The following ARB2A variants were observed in gnomAD, a reference collection of about 807,000 sequenced individuals.
ARB2A encodes cotranscriptional regulator ARB2A.
At chr5:93,772,320 C>T in the ARB2A span, among the ~76,000 whole-genome samples, 8 of 149,858 alleles carry the variant, frequency 5.3e-5, no homozygotes, top group East Asian at 2.0e-4. Flanking sequence ...GTGGGTGGAG[C>T]GGGGAGGGAT....
At chr5:94,045,750 T>A in the ARB2A span, among the ~76,000 whole-genome samples, 127 of 152,312 alleles carry the variant, frequency 8.3e-4, no homozygotes, top group African/African-American at 3.0e-3. Flanking sequence ...ATGTATTTTT[T>A]AAAAATGCAA....
the ARB2A span, among the ~76,000 whole-genome samples, chr5:94,093,096 CTCAG>C: frequency 3.3e-5 from 5 of 152,040 alleles, no homozygotes; most frequent in African/African-American, 1.2e-4. Flanking sequence ...GTGTTGTTTG[CTCAG>C]TCATTTAAGA....
At chr5:93,618,066 C>CTGT in the ARB2A span, 1 of 151,680 alleles carries the variant, frequency 6.6e-6, no homozygotes, top group Non-Finnish European at 1.5e-5. Context: ...AATAACACCG[C>CTGT]TGTTGTTGGG....
At chr5:94,036,380 A>G in the ARB2A span, among the ~76,000 whole-genome samples, 1 of 152,202 alleles carries the variant, frequency 6.6e-6, no homozygotes, top group East Asian at 1.9e-4. Context: ...TTCCACAATA[A>G]TAAACAACAA....
chr5:93,851,601 C>T, the ARB2A span, among the ~76,000 whole-genome samples: 1 of 152,174 alleles, frequency 6.6e-6, no homozygotes, highest in Non-Finnish European at 1.5e-5. Flanking sequence ...TATCCCTCCC[C>T]GCTTCCGCCA....
the ARB2A span, among the ~76,000 whole-genome samples, chr5:93,851,888 A>C: frequency 4.6e-5 from 7 of 152,230 alleles, no homozygotes; most frequent in East Asian, 9.6e-4. Context: ...AGTCTTTGCT[A>C]TTGTGAATAG....
chr5:94,029,704 A>G, the ARB2A span, among the ~76,000 whole-genome samples: 26 of 152,282 alleles, frequency 1.7e-4, no homozygotes, highest in African/African-American at 5.8e-4. Flanking sequence ...TCCCTACACA[A>G]TTCCAATAAA....
chr5:93,694,614 C>G, the ARB2A span, among the ~76,000 whole-genome samples: 2 of 152,118 alleles, frequency 1.3e-5, no homozygotes, highest in Non-Finnish European at 2.9e-5. Flanking sequence ...TGATACTGCC[C>G]AAAGTAATTT....
the ARB2A span, among the ~76,000 whole-genome samples, chr5:93,768,769 A>C: frequency 1.3e-5 from 2 of 152,008 alleles, no homozygotes; most frequent in Non-Finnish European, 1.5e-5. Flanking sequence ...TATTTAGTGG[A>C]GATGAGGTCT....
chr5:93,761,188 G>A, the ARB2A span, among the ~76,000 whole-genome samples: 2 of 152,150 alleles, frequency 1.3e-5, no homozygotes, highest in Admixed American at 1.3e-4. Flanking sequence ...TCAGCTCACT[G>A]GGGAGTGTCA....
chr5:93,627,034 A>T, the ARB2A span, among the ~76,000 whole-genome samples: 1 of 152,370 alleles, frequency 6.6e-6, no homozygotes, highest in African/African-American at 2.4e-5. Flanking sequence ...AACAATGTTT[A>T]CAGCACCTTC....
At chr5:93,865,106 C>A in the ARB2A span, among the ~76,000 whole-genome samples, 1 of 151,684 alleles carries the variant, frequency 6.6e-6, no homozygotes, top group Non-Finnish European at 1.5e-5. Context: ...TTTTTTGAGA[C>A]GGAGTCTCTC....
the ARB2A span, among the ~76,000 whole-genome samples, chr5:93,691,673 A>G: frequency 6.6e-6 from 1 of 152,280 alleles, no homozygotes; most frequent in East Asian, 1.9e-4. Flanking sequence ...GGAAATACAG[A>G]GAACACCACC....
chr5:93,654,204 A>C, the ARB2A span, among the ~76,000 whole-genome samples: 1 of 152,192 alleles, frequency 6.6e-6, no homozygotes, highest in Non-Finnish European at 1.5e-5. Context: ...GAAAGGCTTA[A>C]TGGCATCTAG....
the ARB2A span, among the ~76,000 whole-genome samples, chr5:93,938,082 C>T: frequency 2.6e-5 from 4 of 152,032 alleles, no homozygotes; most frequent in East Asian, 3.9e-4. Flanking sequence ...TCCACTGCTC[C>T]GTGATATTTA....
chr5:93,805,748 G>A, the ARB2A span: 1 of 984,996 alleles, frequency 1.0e-6, no homozygotes, highest in South Asian at 4.7e-5. Flanking sequence ...ATACCTATTT[G>A]TAGTTGCTCA....
chr5:94,061,054 C>T, the ARB2A span, among the ~76,000 whole-genome samples: 50 of 152,026 alleles, frequency 3.3e-4, no homozygotes, highest in Non-Finnish European at 6.9e-4. Context: ...CTGGCTAACA[C>T]GGTGAAACCC....
the ARB2A span, among the ~76,000 whole-genome samples, chr5:93,675,590 C>T: frequency 2.6e-5 from 4 of 152,172 alleles, no homozygotes; most frequent in Non-Finnish European, 5.9e-5. Context: ...TTAGAGGTTG[C>T]CCACTACTTT....
chr5:94,066,956 A>G, the ARB2A span, among the ~76,000 whole-genome samples: 1 of 152,194 alleles, frequency 6.6e-6, no homozygotes, highest in Non-Finnish European at 1.5e-5. Context: ...ATAACAATAA[A>G]CCAGATTCAA....
Sources: allele counts gnomAD v4.1 joint callset (sites outside exome capture counted in the v4.1 genomes callset), GRCh38; gene constraint gnomAD v4.1.1; transcripts MANE v1.5; gene names NCBI Gene and HGNC (gene_info 2026-07-23, HGNC 2026-07-21).